The following PTPRT variants were observed in gnomAD, a reference collection of about 807,000 sequenced individuals.
The protein encoded by PTPRT is receptor-type tyrosine-protein phosphatase T.
PTPRT carries 56 observed loss-of-function variants against 176.8 expected under a neutral mutation model. The observed-to-expected ratio is 0.32, with a 90% CI of 0.26 to 0.40. The LOEUF (loss-of-function observed/expected upper bound fraction) is 0.40, where lower values mean the gene tolerates loss of function less well. Among genes scored for constraint, PTPRT ranks in the 10% least tolerant of loss-of-function variants. The pLI is 1.00. For missense variants in PTPRT, 1,540 were observed against 1,908.2 expected (o/e 0.81, Z 3.60); for synonymous variants, 783 against 739.0 (o/e 1.06, Z -0.96).
rs552165166 is a variant in PTPRT at position 42,792,753 on chromosome 20, C to T, written c.215-1287G>A. ...CTAAAAGTCACCTCATTCTTTCACC[C>T]TAATACCAAAAAGACTAACAGCTCC... On this transcript the variant is annotated intron_variant, in intron 2 of 30. Transcript: ENST00000373187. 2.6e-5 allele frequency among the ~76,000 whole-genome samples: 4 copies of T among 152,306 alleles called. No individual in the cohort carries two copies. The South Asian group carries it at 6.2e-4, about 24-fold the overall frequency.
At chr20:42,568,891 A>G (rs2073094043) in intron 7 of PTPRT, among the ~76,000 whole-genome samples, 1 of 151,036 alleles carries the variant, frequency 6.6e-6, no homozygotes, top group African/African-American at 2.4e-5. Context: ...CTATTAAAAA[A>G]TACAAAAACT....
chr20:42,286,771 G>A (rs924687233), intron 12 of PTPRT, among the ~76,000 whole-genome samples: 3 of 151,604 alleles, frequency 2.0e-5, no homozygotes, highest in African/African-American at 4.8e-5. Context: ...AAAAAATTAT[G>A]TACAGAAAAG....
In PTPRT at chr20:42,531,569, T is replaced by C. The variant is rs117151105; in HGVS notation, c.1154-59007A>G. 1.1e-3 allele frequency among the ~76,000 whole-genome samples: 169 copies of C among 152,350 alleles called. 1 individual carries two copies. The East Asian group carries it at 0.024, about 21-fold the overall frequency. ...CTCCTGGCTGCCAGGCGCCCTTGGCTGCAGCCTCCAACAGTTTCATTTTGG... is the reference window on the plus strand; with the variant it reads ...CTCCTGGCTGCCAGGCGCCCTTGGCCGCAGCCTCCAACAGTTTCATTTTGG... On this transcript the variant is annotated intron_variant, in intron 7 of 30. Coordinates refer to ENST00000373187, the MANE Select transcript of PTPRT (RefSeq NM_007050.6).
rs182393852 is a variant in PTPRT, at chr20:43,151,150, T to C, written c.88+38496A>G. ...GGAGAAACCCCATCTCTACTAAAAA[T>C]ACAAAATTAGCCAGGCATGGTGGCT... On this transcript the variant is annotated intron_variant, in intron 1 of 30. Coordinates refer to ENST00000373187, the MANE Select transcript of PTPRT (RefSeq NM_007050.6). 1.0e-3 allele frequency among the ~76,000 whole-genome samples: 155 copies of C among 151,788 alleles called. 1 individual carries two copies. The highest frequency in any genetic ancestry group is 3.4e-3 in the African/African-American group (139 of 41,432).
chr20:42,613,676 A>G (rs2145831580), intron 7 of PTPRT, among the ~76,000 whole-genome samples: 1 of 152,290 alleles, frequency 6.6e-6, no homozygotes, highest in Non-Finnish European at 1.5e-5. Context: ...TAGGGTTGAG[A>G]CTTCCCAAGA....
At position 42,844,454 on chromosome 20, in the gene PTPRT, T is replaced by C. The variant is rs557325226; in HGVS notation, c.214+41353A>G. Among the ~76,000 whole-genome samples, 6 of 152,310 alleles carry C rather than the reference T, an allele frequency of 3.9e-5. No individual in the cohort carries two copies. The East Asian group carries it at 1.2e-3, about 29-fold the overall frequency. On this transcript the variant is annotated intron_variant, in intron 2 of 30. Transcript: ENST00000373187. ...GTCCTTTCTATGAGAGTCATAGTCCTTGCTCAGGTGATTTCATTGGTTTCC... is the reference window on the plus strand; with the variant it reads ...GTCCTTTCTATGAGAGTCATAGTCCCTGCTCAGGTGATTTCATTGGTTTCC...
intron 2 of PTPRT, among the ~76,000 whole-genome samples, chr20:42,837,266 C>A (rs921903525): frequency 6.6e-6 from 1 of 152,346 alleles, no homozygotes; most frequent in Non-Finnish European, 1.5e-5. Context: ...GTGGGCCCAG[C>A]ACCTTGCTGC....
chr20:42,291,307 C>T (rs1344520667), intron 12 of PTPRT, among the ~76,000 whole-genome samples: 1 of 152,168 alleles, frequency 6.6e-6, no homozygotes. Context: ...CCAAAGTAGA[C>T]ATGGTCCCTG....
intron 1 of PTPRT, among the ~76,000 whole-genome samples, chr20:43,036,618 T>C (rs1303097568): frequency 6.6e-6 from 1 of 152,078 alleles, no homozygotes; most frequent in Non-Finnish European, 1.5e-5. Context: ...CAGCTCACAA[T>C]GGAATAAAAT....
At chr20:42,758,501 T>C (rs1291892111) in intron 5 of PTPRT, among the ~76,000 whole-genome samples, 1 of 152,198 alleles carries the variant, frequency 6.6e-6, no homozygotes, top group Non-Finnish European at 1.5e-5. Flanking sequence ...GGCTACAGGC[T>C]ACAGGCTCCA....
chr20:42,403,251 C>A (rs1208913289), intron 9 of PTPRT, among the ~76,000 whole-genome samples: 1 of 152,122 alleles, frequency 6.6e-6, no homozygotes, highest in African/African-American at 2.4e-5. Flanking sequence ...TTTTTAATGA[C>A]TCTAATATTC....
intron 6 of PTPRT, among the ~76,000 whole-genome samples, chr20:42,741,742 G>T (rs1289679140): frequency 6.6e-6 from 1 of 152,104 alleles, no homozygotes; most frequent in Non-Finnish European, 1.5e-5. Flanking sequence ...GATAAGAGAG[G>T]GTGAGAAAGG....
At chr20:42,056,670 C>A in the PTPRT span, among the ~76,000 whole-genome samples, 1 of 152,114 alleles carries the variant, frequency 6.6e-6, no homozygotes, top group Non-Finnish European at 1.5e-5. Context: ...GTGTGGCAGG[C>A]AGACAGGTGT....
chr20:42,563,880 C>A (rs966522164), intron 7 of PTPRT, among the ~76,000 whole-genome samples: 5 of 152,190 alleles, frequency 3.3e-5, no homozygotes, highest in Admixed American at 6.5e-5. Flanking sequence ...AGAAAGATTT[C>A]TTTTTCGCTC....
At chr20:43,121,249 T>C (rs1368142329) in intron 1 of PTPRT, among the ~76,000 whole-genome samples, 1 of 152,258 alleles carries the variant, frequency 6.6e-6, no homozygotes, top group Non-Finnish European at 1.5e-5. Flanking sequence ...AATTTATCCA[T>C]TCTACTATGG....
At chr20:42,698,202 C>A (rs558663339) in intron 6 of PTPRT, among the ~76,000 whole-genome samples, 2 of 152,268 alleles carry the variant, frequency 1.3e-5, no homozygotes, top group Admixed American at 1.3e-4. Flanking sequence ...TCAAGATTGA[C>A]CCTGAACTAT....
intron 9 of PTPRT, among the ~76,000 whole-genome samples, chr20:42,425,374 G>C (rs971577398): frequency 2.0e-5 from 3 of 152,158 alleles, no homozygotes; most frequent in Non-Finnish European, 4.4e-5. Flanking sequence ...TTATAAGTTT[G>C]AATTTTTAAG....
chr20:42,852,794 G>A (rs2078498529), intron 2 of PTPRT, among the ~76,000 whole-genome samples: 1 of 152,114 alleles, frequency 6.6e-6, no homozygotes, highest in Admixed American at 6.5e-5. Context: ...CAGTGCTTGG[G>A]TGCAGAAGAG....
chr20:42,610,439 C>T (rs1444112318), intron 7 of PTPRT, among the ~76,000 whole-genome samples: 4 of 147,294 alleles, frequency 2.7e-5, no homozygotes, highest in Admixed American at 6.9e-5. Context: ...AGTCTGGTCT[C>T]GAACTTCTGG....
Sources: allele counts gnomAD v4.1 joint callset (sites outside exome capture counted in the v4.1 genomes callset), GRCh38; gene constraint gnomAD v4.1.1; transcripts MANE v1.5; gene names NCBI Gene and HGNC (gene_info 2026-07-23, HGNC 2026-07-21).